The following EEF1AKMT2 variants were observed in gnomAD, a reference collection of about 807,000 sequenced individuals.
EEF1AKMT2 encodes eukaryotic translation elongation factor 1 alpha lysine methyltransferase 2.
A neutral mutation model predicts 35.8 loss-of-function variants in EEF1AKMT2; 32 were observed. The observed-to-expected ratio is 0.89, with a 90% CI of 0.67 to 1.20. The LOEUF is 1.20. Among genes scored for constraint, EEF1AKMT2 ranks in the 50% most tolerant of loss-of-function variants. The pLI is 0.00. For missense variants in EEF1AKMT2, 330 were observed against 347.5 expected (o/e 0.95, Z 0.40); for synonymous variants, 121 against 133.7 (o/e 0.91, Z 0.65).
At chr10:124,790,359 A>G (rs1228060479) in intron 1 of EEF1AKMT2, 21 bp from the exon 2 acceptor site, 1 of 1,549,028 alleles carries the variant, frequency 6.5e-7, no homozygotes, top group East Asian at 2.2e-5. Flanking sequence ...AATGAAATGC[A>G]AAGCAAGACT....
At position 124,765,389 on chromosome 10, in the gene EEF1AKMT2, T is replaced by A. The variant is rs781629507; in HGVS notation, c.616+3A>T. ...CACATTTAAACACCATATAGTCACTTACCTTCACTGAATTCATTTAGCAAC... is the reference window on the plus strand; with the variant it reads ...CACATTTAAACACCATATAGTCACTAACCTTCACTGAATTCATTTAGCAAC... On this transcript the variant is annotated splice_donor_region_variant and intron_variant, in intron 5 of 6. Transcript: ENST00000368836. The A allele has an allele frequency of 6.2e-7, 1 of 1,612,424 alleles. No individual in the cohort carries two copies.
chr10:124,765,353 T>C, intron 5 of EEF1AKMT2, 39 bp downstream of exon 5: 2 of 1,530,368 alleles, frequency 1.3e-6, no homozygotes, highest in Non-Finnish European at 1.8e-6. Context: ...ACATGAAACC[T>C]GAGGTAAGCA....
chr10:124,791,859 T>G lies in EEF1AKMT2; in HGVS notation c.-26A>C. On this transcript the variant is annotated 5_prime_UTR_variant, in exon 1 of 7. Coordinates refer to ENST00000368836, the MANE Select transcript of EEF1AKMT2 (RefSeq NM_212554.4). ...TTCGCTCCACGTCCTGGACGGCCGT[T>G]GGGGCCGCCATAGAGACGGGGCACA... 1.9e-6 allele frequency: 3 copies of G among 1,543,232 alleles called. No individual in the cohort carries two copies. Among genetic ancestry groups the G allele is most frequent in the Non-Finnish European group, 1.7e-6 (2 of 1,150,676 alleles).
rs982613242 is a variant in EEF1AKMT2 at position 124,760,287 on chromosome 10, T to A, written c.*216A>T. On this transcript the variant is annotated 3_prime_UTR_variant, in exon 7 of 7. Coordinates refer to ENST00000368836, the MANE Select transcript of EEF1AKMT2 (RefSeq NM_212554.4). ...ATTTTCTTTCACCAATCCAGTATAC[T>A]CTATTCAACATGTGCATCCTGTGTA... The A allele has an allele frequency of 1.7e-6, 1 of 588,322 alleles. No individual in the cohort carries two copies. Among genetic ancestry groups the A allele is most frequent in the Admixed American group, 2.9e-5 (1 of 34,330 alleles). The allele number at this position is 588,322 out of a possible 1,614,324, so 36.4% of individuals were successfully genotyped here.
In EEF1AKMT2 at chr10:124,788,916, T is replaced by A; in HGVS notation, c.291+127A>T. 9.3e-6 allele frequency: 6 copies of A among 645,366 alleles called. No individual in the cohort carries two copies. In the South Asian group the frequency reaches 1.2e-4, roughly 13 times the overall value. 40.0% of individuals were successfully genotyped at this position (645,366 alleles called of 1,614,324 possible). A position where few individuals can be genotyped will look rare whatever the true frequency, so the allele number is the denominator to read the frequency against. ...TCCATGTAGCCTCCCTTTTGTACTATCTGACTTCTCCAAGTATGACTGCTT... is the reference window on the plus strand; with the variant it reads ...TCCATGTAGCCTCCCTTTTGTACTAACTGACTTCTCCAAGTATGACTGCTT... On this transcript the variant is annotated intron_variant, in intron 3 of 6. Transcript: ENST00000368836.
At chr10:124,772,363 A>G (rs1378095638) in intron 4 of EEF1AKMT2, among the ~76,000 whole-genome samples, 2 of 149,818 alleles carry the variant, frequency 1.3e-5, no homozygotes, top group Admixed American at 6.6e-5. Context: ...CTTCTACATC[A>G]GTACTTAGTG....
At chr10:124,767,174 A>C (rs1487047157) in intron 4 of EEF1AKMT2, among the ~76,000 whole-genome samples, 1 of 150,396 alleles carries the variant, frequency 6.6e-6, no homozygotes, top group African/African-American at 2.4e-5. Flanking sequence ...AAAAAAAAAA[A>C]AAAAAAAAAC....
chr10:124,757,685 G>T (rs1425978887), downstream of EEF1AKMT2: 2 of 151,190 alleles, frequency 1.3e-5, no homozygotes, highest in African/African-American at 4.9e-5. Flanking sequence ...AAGACTAAAA[G>T]TCTTTTGTAT....
intron 4 of EEF1AKMT2, among the ~76,000 whole-genome samples, chr10:124,771,316 G>A (rs187869491): frequency 2.8e-3 from 430 of 151,682 alleles, no homozygotes; most frequent in Non-Finnish European, 4.7e-3. Context: ...AGCCAGGATG[G>A]TCTTGATCTC....
chr10:124,778,402 C>T (rs1950507374), intron 3 of EEF1AKMT2, among the ~76,000 whole-genome samples: 1 of 152,074 alleles, frequency 6.6e-6, no homozygotes, highest in Non-Finnish European at 1.5e-5. Flanking sequence ...CACCTAGACA[C>T]ATCATAGTGT....
chr10:124,776,601 A>G (rs933699192), intron 3 of EEF1AKMT2, among the ~76,000 whole-genome samples: 2 of 152,004 alleles, frequency 1.3e-5, no homozygotes, highest in African/African-American at 2.4e-5. Flanking sequence ...CAGCCTGGCC[A>G]ACACGGTGAA....
intron 4 of EEF1AKMT2, 80 bp downstream of exon 4, chr10:124,774,595 G>T: frequency 1.4e-6 from 1 of 736,710 alleles, no homozygotes; most frequent in Non-Finnish European, 1.9e-6. Flanking sequence ...TAATTTATGA[G>T]TTTAAAACCT....
intron 3 of EEF1AKMT2, among the ~76,000 whole-genome samples, chr10:124,779,968 C>A (rs1377814974): frequency 6.6e-6 from 1 of 151,636 alleles, no homozygotes; most frequent in Non-Finnish European, 1.5e-5. Context: ...GAGGCTGAGG[C>A]AAAAGAATGG....
At chr10:124,791,009 C>A (rs1405335204) in intron 1 of EEF1AKMT2, among the ~76,000 whole-genome samples, 1 of 152,092 alleles carries the variant, frequency 6.6e-6, no homozygotes, top group Non-Finnish European at 1.5e-5. Flanking sequence ...GTGCTCCGCC[C>A]GCCTCGGCCT....
chr10:124,790,806 C>T (rs1208997263), intron 1 of EEF1AKMT2, among the ~76,000 whole-genome samples: 3 of 152,176 alleles, frequency 2.0e-5, no homozygotes, highest in African/African-American at 7.2e-5. Flanking sequence ...CGCTCTGTCA[C>T]CAGGCTGGAG....
At chr10:124,791,365 C>T (rs983209154) in intron 1 of EEF1AKMT2, among the ~76,000 whole-genome samples, 3 of 152,034 alleles carry the variant, frequency 2.0e-5, no homozygotes, top group Admixed American at 2.0e-4. Context: ...AGCACTTCTC[C>T]CTCGGTCTCT....
In EEF1AKMT2 at chr10:124,791,787, C is replaced by A. The variant is rs1246059192; in HGVS notation, c.47G>T (p.Arg16Leu). The A allele has an allele frequency of 1.3e-6, 2 of 1,592,464 alleles. No homozygotes were observed. The highest frequency in any genetic ancestry group is 1.1e-5 in the South Asian group (1 of 89,020). ...CTCCCCGGGACTGCCCTTGTCCGAC[C>A]GCGCCGCCACCGCAGCGCCACCGCC... ...DGGGGAAVAA[R>L]SDKGSPGEDG... Residue 16 changes from arginine (R) to leucine (L), a missense_variant, in exon 1 of 7, where the codon CGG becomes CTG. By Grantham distance (102) the Arg-to-Leu change is moderately radical (BLOSUM62 -2). Coordinates refer to ENST00000368836, the MANE Select transcript of EEF1AKMT2 (RefSeq NM_212554.4).
chr10:124,762,692 C>A (rs1002303313), intron 5 of EEF1AKMT2, 134 bp from the exon 6 acceptor site: 1 of 409,892 alleles, frequency 2.4e-6, no homozygotes, highest in Non-Finnish European at 3.4e-6. Flanking sequence ...TCATAATAAC[C>A]GAATATTATA....
Position 124,774,299 on chromosome 10 carries a change from G to A in EEF1AKMT2, c.399+376C>T, listed in dbSNP as rs148057753. On this transcript the variant is annotated intron_variant, in intron 4 of 6. Transcript: ENST00000368836. ...GGAGAATGGCATGAACCCAGGAGGC[G>A]GAGCTTGCAGTAAGCCGAGATGGCG... Among the ~76,000 whole-genome samples, 493 of 145,828 alleles carry A rather than the reference G, an allele frequency of 3.4e-3. 2 individuals are homozygous for A. Among genetic ancestry groups the A allele is most frequent in the East Asian group, 0.023 (114 of 4,906 alleles).
Sources: allele counts gnomAD v4.1 joint callset (sites outside exome capture counted in the v4.1 genomes callset), GRCh38; gene constraint gnomAD v4.1.1; transcripts MANE v1.5; gene names NCBI Gene and HGNC (gene_info 2026-07-23, HGNC 2026-07-21).